Variants in MYO3B observed in about 807,000 individuals in gnomAD.
MYO3B encodes the protein myosin IIIB, also known as myosin-IIIb.
A neutral mutation model predicts 174.6 loss-of-function variants in MYO3B; 156 were observed. That is an observed-to-expected ratio of 0.89 (90% confidence interval 0.78 to 1.02). The LOEUF (loss-of-function observed/expected upper bound fraction) is 1.02, where lower values mean the gene tolerates loss of function less well. Ranked by LOEUF, MYO3B falls within the 50% of genes least tolerant of loss-of-function variation. The pLI is 0.00. For missense variants in MYO3B, 1,632 were observed against 1,639.4 expected (o/e 1.00, Z 0.08); for synonymous variants, 563 against 569.1 (o/e 0.99, Z 0.15).
intron 32 of MYO3B, among the ~76,000 whole-genome samples, chr2:170,623,791 T>A (rs144513654): frequency 6.6e-6 from 1 of 152,244 alleles, no homozygotes; most frequent in Non-Finnish European, 1.5e-5. Flanking sequence ...TTTCTACATA[T>A]GGCTAGCCAG....
At chr2:170,423,353 C>T (rs2094633631) in intron 22 of MYO3B, among the ~76,000 whole-genome samples, 1 of 152,100 alleles carries the variant, frequency 6.6e-6, no homozygotes, top group African/African-American at 2.4e-5. Flanking sequence ...ATCGCTGCAT[C>T]GGCCACAGAA....
rs138022540 is a variant in MYO3B, at chr2:170,380,965, T to A, written c.972-1051T>A. 3.7e-4 allele frequency among the ~76,000 whole-genome samples: 57 copies of A among 152,158 alleles called. No individual in the cohort carries two copies. The East Asian group carries it at 8.9e-3, about 24-fold the overall frequency. On this transcript the variant is annotated intron_variant, in intron 9 of 34. Coordinates refer to ENST00000408978, the MANE Select transcript of MYO3B (RefSeq NM_138995.5). ...ACTCCATCTCTACAAAAAATAATTTTAAAAAATTAGCCAGGCACAATAGTG... is the reference window on the plus strand; with the variant it reads ...ACTCCATCTCTACAAAAAATAATTTAAAAAAATTAGCCAGGCACAATAGTG...
At position 170,230,646 on chromosome 2, in the gene MYO3B, G is replaced by A. The variant is rs141851639; in HGVS notation, c.604-5345G>A. On this transcript the variant is annotated intron_variant, in intron 6 of 34. Transcript: ENST00000408978. Reference sequence around the variant, plus strand: ...TTCAAGACAAAAAAACATAAAATTCGCTTCTTTCTATTATAGAAATAATCC... The same window carrying A: ...TTCAAGACAAAAAAACATAAAATTCACTTCTTTCTATTATAGAAATAATCC... Among the ~76,000 whole-genome samples the A allele has an allele frequency of 9.9e-4, 151 of 151,890 alleles. 1 individual carries two copies. Among genetic ancestry groups the A allele is most frequent in the African/African-American group, 3.5e-3 (144 of 41,404 alleles).
chr2:170,480,948 T>G (rs545871887), intron 25 of MYO3B, among the ~76,000 whole-genome samples: 1 of 152,224 alleles, frequency 6.6e-6, no homozygotes. Flanking sequence ...TCAGTTAACA[T>G]TGTGAAAAGT....
At chr2:170,497,574 C>T (rs1184180237) in intron 25 of MYO3B, among the ~76,000 whole-genome samples, 2 of 151,618 alleles carry the variant, frequency 1.3e-5, no homozygotes, top group African/African-American at 2.4e-5. Context: ...GCTGAGATCG[C>T]GCCACTGCAC....
chr2:170,448,061 G>A (rs1360830802), intron 23 of MYO3B, among the ~76,000 whole-genome samples: 6 of 152,176 alleles, frequency 3.9e-5, no homozygotes, highest in African/African-American at 1.4e-4. Context: ...GAGGTTTAGA[G>A]TCTTGCAGCC....
At chr2:170,535,751 G>A (rs1377104343) in intron 30 of MYO3B, among the ~76,000 whole-genome samples, 2 of 152,192 alleles carry the variant, frequency 1.3e-5, no homozygotes, top group Non-Finnish European at 2.9e-5. Flanking sequence ...CACAGTGCCT[G>A]ATGGAAAGGA....
At chr2:170,597,625 C>T (rs1298217370) in intron 32 of MYO3B, among the ~76,000 whole-genome samples, 3 of 152,158 alleles carry the variant, frequency 2.0e-5, no homozygotes, top group Admixed American at 6.5e-5. Context: ...GTTGTTCCCA[C>T]CCTGTCTAGT....
intron 32 of MYO3B, among the ~76,000 whole-genome samples, chr2:170,640,140 A>C (rs1024295204): frequency 6.6e-6 from 1 of 152,226 alleles, no homozygotes; most frequent in East Asian, 1.9e-4. Context: ...ACTGGGAAGG[A>C]GGAGGAACTT....
chr2:170,572,754 A>G (rs1265005413), intron 32 of MYO3B, among the ~76,000 whole-genome samples: 3 of 152,202 alleles, frequency 2.0e-5, no homozygotes, highest in Non-Finnish European at 4.4e-5. Context: ...TCTTTTTGAA[A>G]TAATTTTAAC....
rs566034554 is a variant in MYO3B at position 170,244,187 on chromosome 2, A to G, written c.749+8051A>G. Among the ~76,000 whole-genome samples, 4 of 152,234 alleles carry G rather than the reference A, an allele frequency of 2.6e-5. No individual in the cohort carries two copies. In the South Asian group the frequency reaches 8.3e-4, roughly 32 times the overall value. Reference sequence around the variant, plus strand: ...TGACTGGTCTTGGCTGCCTCCTTCTATAGGGTCCTTTTAGCCCCCTTAGTA... The same window carrying G: ...TGACTGGTCTTGGCTGCCTCCTTCTGTAGGGTCCTTTTAGCCCCCTTAGTA... On this transcript the variant is annotated intron_variant, in intron 7 of 34. Coordinates refer to ENST00000408978, the MANE Select transcript of MYO3B (RefSeq NM_138995.5).
At chr2:170,496,954 A>G (rs1212066158) in intron 25 of MYO3B, among the ~76,000 whole-genome samples, 2 of 152,156 alleles carry the variant, frequency 1.3e-5, no homozygotes, top group Non-Finnish European at 2.9e-5. Context: ...TTTTAAAAAC[A>G]GGGAGAATAA....
chr2:170,399,704 G>T (rs904258971), intron 16 of MYO3B, among the ~76,000 whole-genome samples: 4 of 152,138 alleles, frequency 2.6e-5, no homozygotes, highest in African/African-American at 9.7e-5. Context: ...CTCCTCTCTT[G>T]CTTTGAACAA....
intron 9 of MYO3B, among the ~76,000 whole-genome samples, chr2:170,375,262 T>G (rs1036433687): frequency 6.6e-6 from 1 of 152,176 alleles, no homozygotes; most frequent in African/African-American, 2.4e-5. Flanking sequence ...GAAAACATGC[T>G]TTGTATCATT....
At chr2:170,270,599 T>C (rs2093418447) in intron 7 of MYO3B, among the ~76,000 whole-genome samples, 1 of 152,212 alleles carries the variant, frequency 6.6e-6, no homozygotes, top group South Asian at 2.1e-4. Flanking sequence ...TCCACCAACA[T>C]GCACAGTTTA....
At chr2:170,521,715 C>T (rs980880713) in intron 30 of MYO3B, among the ~76,000 whole-genome samples, 3 of 151,878 alleles carry the variant, frequency 2.0e-5, no homozygotes, top group Non-Finnish European at 4.4e-5. Context: ...CTTATACCTC[C>T]CCCCATACTA....
At chr2:170,407,669 C>T (rs72876321) in intron 21 of MYO3B, 46 bp from the exon 22 acceptor site, 127,819 of 1,608,886 alleles carry the variant, frequency 0.079, 10,255 homozygotes, top group East Asian at 0.49. Context: ...TCACCAATGA[C>T]GGACAGTTGA....
chr2:170,221,239 T>C (rs754495969), intron 6 of MYO3B, among the ~76,000 whole-genome samples: 22 of 152,260 alleles, frequency 1.4e-4, no homozygotes, highest in Non-Finnish European at 1.0e-4. Context: ...GCAATACCAA[T>C]GCCAGTGGAA....
intron 8 of MYO3B, among the ~76,000 whole-genome samples, chr2:170,368,536 G>C (rs901485564): frequency 6.6e-6 from 1 of 152,210 alleles, no homozygotes; most frequent in Non-Finnish European, 1.5e-5. Flanking sequence ...AGTTATGCCG[G>C]TATGATTTTA....
Sources: gnomAD v4.1 joint callset for allele counts (sites outside exome capture counted in the v4.1 genomes callset) on GRCh38, gnomAD v4.1.1 for gene constraint, MANE v1.5 for transcripts, NCBI Gene and HGNC (gene_info 2026-07-23, HGNC 2026-07-21) for gene names.